Variants in SYT12 observed in about 807,000 individuals in gnomAD.
The protein encoded by SYT12 is synaptotagmin 12, also known as synaptotagmin-12.
In SYT12, 27 loss-of-function variants were observed where a neutral mutation model predicts 39.5. That is an observed-to-expected ratio of 0.68 (90% CI 0.50 to 0.94). The LOEUF is 0.94. Among genes scored for constraint, SYT12 ranks in the 40% least tolerant of loss-of-function variants. The pLI is 0.00. For synonymous variants in SYT12, 233 were observed against 239.7 expected (o/e 0.97, Z 0.26); for missense variants, 536 against 572.6 (o/e 0.94, Z 0.65).
chr11:67,023,274 C>A lies in SYT12; in HGVS notation c.-210C>A, dbSNP rs891025623. 2 of 149,124 alleles carry A rather than the reference C, an allele frequency of 1.3e-5. No individual in the cohort carries two copies. The highest frequency in any genetic ancestry group is 3.0e-5 in the Non-Finnish European group (2 of 66,902). The allele number at this position is 149,124 out of a possible 1,614,324, so 9.2% of individuals were successfully genotyped here. A position where few individuals can be genotyped will look rare whatever the true frequency, so the allele number is the denominator to read the frequency against. ...AGCGTGCCCGGACTGCGGCGCAGCT[C>A]CGGTCCGCCGCCCCGGCCCGGCCGA... On this transcript the variant is annotated 5_prime_UTR_variant, in exon 1 of 8. Coordinates refer to ENST00000527043, the MANE Select transcript of SYT12 (RefSeq NM_177963.4).
chr11:67,012,459 G>A (rs1021209467), intron 3 of SYT12, among the ~76,000 whole-genome samples: 2 of 152,154 alleles, frequency 1.3e-5, no homozygotes, highest in African/African-American at 4.8e-5. Flanking sequence ...GACTGACTGA[G>A]CTATCCCACC....
chr11:67,035,817 CCTTCCTTCCTTCCTTCCTTCCTTT>C (rs1345663133), intron 3 of SYT12, among the ~76,000 whole-genome samples: 10 of 82,290 alleles, frequency 1.2e-4, no homozygotes, highest in African/African-American at 5.2e-4. Flanking sequence ...TTCCTTCCTT[CCTTCCTTCCTTCCTTCCTTCCTTT>C]CTTTCTTTCT....
chr11:67,018,366 GAA>G (rs989688156), upstream of SYT12, among the ~76,000 whole-genome samples: 1 of 146,976 alleles, frequency 6.8e-6, no homozygotes, highest in Non-Finnish European at 1.5e-5. Flanking sequence ...AAAAGAAAAA[GAA>G]AAAAAAAATA....
At chr11:67,009,134 T>G (rs1205092362) in intron 1 of SYT12, among the ~76,000 whole-genome samples, 3 of 152,048 alleles carry the variant, frequency 2.0e-5, no homozygotes, top group Admixed American at 2.0e-4. Flanking sequence ...GCCTCCCGAG[T>G]AGCTGAGACC....
chr11:67,029,553 A>T (rs894081211), intron 1 of SYT12: 1 of 152,300 alleles, frequency 6.6e-6, no homozygotes, highest in Non-Finnish European at 1.5e-5. Flanking sequence ...CACACATATT[A>T]AAAACGTATT....
Position 67,050,718 on chromosome 11 carries a change from G to A in SYT12, c.*1961G>A, listed in dbSNP as rs1854727315. ...CTCCCTCCCCCTAACTGCATGACAT[G>A]TTAACTGTGTGCCCAGGACAGCCGT... On this transcript the variant is annotated 3_prime_UTR_variant, in exon 8 of 8. Transcript: ENST00000527043. The A allele has an allele frequency of 6.6e-6, 1 of 152,382 alleles. No homozygotes were observed. The highest frequency in any genetic ancestry group is 2.4e-5 in the African/African-American group (1 of 41,418). The allele number at this position is 152,382 out of a possible 1,614,324, so 9.4% of individuals were successfully genotyped here.
rs755903998 is a variant in SYT12, at chr11:67,039,954, CT to C, written c.373del (p.Tyr125MetfsTer13). Reference sequence around the variant, plus strand: ...TGGGCCGGGAGTTGGACCTGGCCCCCTATGGGACCCTCCGGAAGTCCCAGTC... The same window carrying C: ...TGGGCCGGGAGTTGGACCTGGCCCCCATGGGACCCTCCGGAAGTCCCAGTC... The part of the protein sequence containing the change: ...LMGRELDLAP[Y>X]GTLRKSQSAD... On this transcript the variant is annotated frameshift_variant, in exon 4 of 8. Coordinates refer to ENST00000527043, the MANE Select transcript of SYT12 (RefSeq NM_177963.4). LOFTEE classifies it high-confidence loss of function. 4 of 1,613,776 alleles carry C rather than the reference CT, an allele frequency of 2.5e-6. No individual in the cohort carries two copies. The highest frequency in any genetic ancestry group is 3.4e-6 in the Non-Finnish European group (4 of 1,180,028).
At chr11:67,026,353 ACCT>A (rs1950180594) in intron 1 of SYT12, among the ~76,000 whole-genome samples, 1 of 152,036 alleles carries the variant, frequency 6.6e-6, no homozygotes, top group Admixed American at 6.5e-5. Flanking sequence ...GCTCACTGCA[ACCT>A]CCACCTCCTA....
chr11:67,022,673 A>G (rs1950123794), upstream of SYT12: 1 of 152,202 alleles, frequency 6.6e-6, no homozygotes, highest in Admixed American at 6.5e-5. Context: ...TCTGGCTCTG[A>G]CCTTTGGCTC....
Position 67,043,792 on chromosome 11 carries a change from C to T in SYT12, c.776C>T (p.Ser259Phe). The T allele has an allele frequency of 6.2e-7, 1 of 1,614,142 alleles. No homozygotes were observed. Residue 259 changes from serine to phenylalanine, a missense_variant, in exon 5 of 8, where the codon TCT becomes TTT. Ser to Phe is a radical substitution (Grantham distance 155, BLOSUM62 -2). Transcript: ENST00000527043. The part of the protein sequence containing the change: ...VSTGVVELKL[S>F]VLDLPLQPFS... ...ACGGGGGTGGTGGAGCTGAAGCTTTCTGTGCTTGACCTCCCGCTGCAGCCC... is the reference window on the plus strand; with the variant it reads ...ACGGGGGTGGTGGAGCTGAAGCTTTTTGTGCTTGACCTCCCGCTGCAGCCC...
chr11:67,013,184 G>C (rs1950026055), intron 3 of SYT12, among the ~76,000 whole-genome samples: 2 of 152,156 alleles, frequency 1.3e-5, no homozygotes, highest in East Asian at 3.8e-4. Flanking sequence ...GGGTCTTCAG[G>C]GACCACCCAT....
intron 4 of SYT12, among the ~76,000 whole-genome samples, chr11:67,041,942 C>T (rs943044068): frequency 6.6e-6 from 1 of 152,158 alleles, no homozygotes; most frequent in Non-Finnish European, 1.5e-5. Flanking sequence ...CTCCACACAT[C>T]GCTGTAACTC....
intron 7 of SYT12, among the ~76,000 whole-genome samples, chr11:67,046,855 G>T (rs1428623315): frequency 6.6e-6 from 1 of 152,222 alleles, no homozygotes. Flanking sequence ...TGAGTGCAAC[G>T]TGGTGATATT....
chr11:67,050,677 CT>C lies in SYT12; in HGVS notation c.*1921del, dbSNP rs769823916. On this transcript the variant is annotated 3_prime_UTR_variant, in exon 8 of 8. Transcript: ENST00000527043. Reference sequence around the variant, plus strand: ...GCGGTGCAGGCCACTGACTCCCCCCCTGCCCTCTCCCCTCTCTCCCTCCCCC... The same window carrying C: ...GCGGTGCAGGCCACTGACTCCCCCCCGCCCTCTCCCCTCTCTCCCTCCCCC... 5 of 152,532 alleles carry C rather than the reference CT, an allele frequency of 3.3e-5. No homozygotes were observed. Among genetic ancestry groups the C allele is most frequent in the African/African-American group, 4.8e-5 (2 of 41,456 alleles). 9.4% of individuals were successfully genotyped at this position (152,532 alleles called of 1,614,324 possible). A position where few individuals can be genotyped will look rare whatever the true frequency, so the allele number is the denominator to read the frequency against.
At chr11:67,043,392 G>A (rs148517220) in intron 4 of SYT12, among the ~76,000 whole-genome samples, 3,034 of 152,306 alleles carry the variant, frequency 0.02, 77 homozygotes, top group Non-Finnish European at 0.025. Context: ...CACTGAGGAC[G>A]GAAATTAGTT....
intron 3 of SYT12, among the ~76,000 whole-genome samples, chr11:67,016,970 G>A (rs116647098): frequency 1.9e-3 from 282 of 152,306 alleles, no homozygotes; most frequent in South Asian, 6.0e-3. Flanking sequence ...CAAATATTAC[G>A]TAAATTCTGT....
chr11:67,033,258 C>T (rs1246481367), intron 2 of SYT12, among the ~76,000 whole-genome samples: 1 of 152,132 alleles, frequency 6.6e-6, no homozygotes, highest in African/African-American at 2.4e-5. Context: ...TGCCCCTCCT[C>T]ATATCTCAGC....
At chr11:67,035,822 C>T (rs1361548194) in intron 3 of SYT12, among the ~76,000 whole-genome samples, 16 of 87,272 alleles carry the variant, frequency 1.8e-4, no homozygotes, top group African/African-American at 9.0e-4. Context: ...TCCTTCCTTC[C>T]TTCCTTCCTT....
chr11:67,024,247 C>T (rs1427741239), intron 1 of SYT12, among the ~76,000 whole-genome samples: 5 of 152,226 alleles, frequency 3.3e-5, no homozygotes, highest in Non-Finnish European at 7.3e-5. Flanking sequence ...TCCTTCTCCC[C>T]GTCAGGGGAT....
Sources: allele counts gnomAD v4.1 joint callset (sites outside exome capture counted in the v4.1 genomes callset), GRCh38; gene constraint gnomAD v4.1.1; transcripts MANE v1.5; gene names NCBI Gene and HGNC (gene_info 2026-07-23, HGNC 2026-07-21).